The following ANLN variants were observed in gnomAD, a reference collection of about 807,000 sequenced individuals.
ANLN encodes the protein anillin, actin binding protein, also known as anillin.
ANLN carries 59 observed loss-of-function variants against 135.1 expected under a neutral mutation model. The ratio of observed to expected loss-of-function variants is 0.44; its 90% CI spans 0.35 to 0.54. ANLN has a LOEUF of 0.54. Ranked by LOEUF, ANLN falls within the 20% of genes least tolerant of loss-of-function variation. The pLI is 0.00. For synonymous variants in ANLN, 406 were observed against 456.4 expected (o/e 0.89, Z 1.41); for missense variants, 1,182 against 1,340.0 (o/e 0.88, Z 1.84).
At position 36,411,180 on chromosome 7, in the gene ANLN, G is replaced by A; in HGVS notation, c.1395+14G>A. 1 of 1,587,870 alleles carries A rather than the reference G, an allele frequency of 6.3e-7. No individual in the cohort carries two copies. Among genetic ancestry groups the A allele is most frequent in the Admixed American group, 1.9e-5 (1 of 51,698 alleles). ...GAAACCAAACAGGTAATGTAAACAA[G>A]AAATATAAAAACGAACTTGGTCCCC... On this transcript the variant is annotated intron_variant, in intron 7 of 23. Coordinates refer to ENST00000265748, the MANE Select transcript of ANLN (RefSeq NM_018685.5).
chr7:36,453,688 CATTTT>C lies in ANLN; in HGVS notation c.*1094_*1098del, dbSNP rs1211156768. On this transcript the variant is annotated 3_prime_UTR_variant, in exon 24 of 24. Coordinates refer to ENST00000265748, the MANE Select transcript of ANLN (RefSeq NM_018685.5). ...AACACTAAATTCTGTCACCTCCTGT[CATTTT>C]ATTTTTTATTCATTCAAATGTATTT... 1.3e-5 allele frequency: 2 copies of C among 152,386 alleles called. No homozygotes were observed. The highest frequency in any genetic ancestry group is 2.9e-5 in the Non-Finnish European group (2 of 67,990). The allele number at this position is 152,386 out of a possible 1,614,324, so 9.4% of individuals were successfully genotyped here.
At position 36,420,176 on chromosome 7, in the gene ANLN, T is replaced by G; in HGVS notation, c.1877T>G (p.Val626Gly). 1 of 1,613,608 alleles carries G rather than the reference T, an allele frequency of 6.2e-7. No homozygotes were observed. The highest frequency in any genetic ancestry group is 8.5e-7 in the Non-Finnish European group (1 of 1,179,726). ...TGATGCGTTTTCCCACAGAGTTTAG[T>G]GTCCACACCTAGACTGGAATTGAAA... ...TVGVVSPESLVSTPRLELKDT... is the reference protein window; with the variant it reads ...TVGVVSPESLGSTPRLELKDT... Residue 626 changes from valine to glycine, a missense_variant, in exon 11 of 24, where the codon GTG becomes GGG. Physicochemically the swap from Val to Gly is moderately radical, Grantham distance 109. Around this residue, in one of 3 missense-constraint regions of ANLN, gnomAD observed 1,022 missense variants for 1,134.0 expected, o/e 0.90. Coordinates refer to ENST00000265748, the MANE Select transcript of ANLN (RefSeq NM_018685.5).
chr7:36,423,252 T>G (rs1310966437), intron 14 of ANLN, among the ~76,000 whole-genome samples: 1 of 152,020 alleles, frequency 6.6e-6, no homozygotes, highest in Non-Finnish European at 1.5e-5. Flanking sequence ...TAAATGGAGG[T>G]TGTGAAAGGT....
rs1207646587 is a variant in ANLN, at chr7:36,449,885, C to T, written c.3251+48C>T. Reference sequence around the variant, plus strand: ...TTCTATCAACTAAGCAATTGATTGCCCACTATGTACTTACCACTATGAGAA... The same window carrying T: ...TTCTATCAACTAAGCAATTGATTGCTCACTATGTACTTACCACTATGAGAA... On this transcript the variant is annotated intron_variant, in intron 23 of 23. Coordinates refer to ENST00000265748, the MANE Select transcript of ANLN (RefSeq NM_018685.5). 7 of 1,548,066 alleles carry T rather than the reference C, an allele frequency of 4.5e-6. No individual in the cohort carries two copies. The African/African-American group carries it at 6.8e-5, about 15-fold the overall frequency.
rs1397461562 is a variant in ANLN at position 36,407,845 on chromosome 7, G to A, written c.985G>A (p.Val329Ile). The part of the protein sequence containing the change: ...KTPISPLKTG[V>I]SKPIVKSTLS... ...TCCTATTAGTCCTCTGAAAACGGGG[G>A]TATCGAAACCAATTGTGAAGTCAAC... Residue 329 changes from valine to isoleucine, a missense_variant, in exon 5 of 24, where the codon GTA (valine) becomes ATA (isoleucine). Around this residue, in one of 3 missense-constraint regions of ANLN, gnomAD observed 1,022 missense variants for 1,134.0 expected, o/e 0.90. Coordinates refer to ENST00000265748, the MANE Select transcript of ANLN (RefSeq NM_018685.5). 1.1e-5 allele frequency: 18 copies of A among 1,613,826 alleles called. No homozygotes were observed. Among genetic ancestry groups the A allele is most frequent in the Non-Finnish European group, 1.4e-5 (17 of 1,179,820 alleles).
At chr7:36,412,773 C>G (rs1787477836) in intron 7 of ANLN, among the ~76,000 whole-genome samples, 1 of 152,210 alleles carries the variant, frequency 6.6e-6, no homozygotes, top group Non-Finnish European at 1.5e-5. Flanking sequence ...CCCACTGCTC[C>G]TCCACAGGTA....
chr7:36,405,825 GTCTAA>G (rs1484799264), intron 3 of ANLN, among the ~76,000 whole-genome samples: 1 of 152,108 alleles, frequency 6.6e-6, no homozygotes, highest in Non-Finnish European at 1.5e-5. Flanking sequence ...TACAGCAATG[GTCTAA>G]TCCATTTTTA....
At chr7:36,450,131 A>G (rs1351130679) in intron 23 of ANLN, among the ~76,000 whole-genome samples, 1 of 152,220 alleles carries the variant, frequency 6.6e-6, no homozygotes, top group East Asian at 1.9e-4. Context: ...TAAAGATTTC[A>G]TGCGTAGTTG....
In ANLN at chr7:36,406,205, T is replaced by C; in HGVS notation, c.512T>C (p.Phe171Ser). Residue 171 changes from phenylalanine (F) to serine (S), a missense_variant, in exon 4 of 24, where the codon TTC (phenylalanine) becomes TCC (serine). This residue lies in a region of ANLN where 1,022 missense variants were observed against 1,134.0 expected (regional missense o/e 0.90). Coordinates refer to ENST00000265748, the MANE Select transcript of ANLN (RefSeq NM_018685.5). ...GATGACATTCCTGAAAGCTCACTCT[T>C]CTCACCAATGCCATCAGAGGAAAAG... The part of the protein sequence containing the change: ...MTDDIPESSL[F>S]SPMPSEEKAA... 6.2e-7 allele frequency: 1 copy of C among 1,606,300 alleles called. No homozygotes were observed. Among genetic ancestry groups the C allele is most frequent in the Middle Eastern group, 1.7e-4 (1 of 6,040 alleles).
At chr7:36,396,140 G>A in intron 1 of ANLN, 126 bp from the exon 2 acceptor site, 1 of 689,550 alleles carries the variant, frequency 1.5e-6, no homozygotes, top group Non-Finnish European at 2.2e-6. Context: ...TAATTGCTTA[G>A]GATTTCACTT....
At chr7:36,410,908 T>G (rs1302363158) in intron 6 of ANLN, 151 bp from the exon 7 acceptor site, 1 of 822,852 alleles carries the variant, frequency 1.2e-6, no homozygotes, top group East Asian at 2.7e-5. Context: ...AATATTGTCC[T>G]GAATTCCATG....
intron 3 of ANLN, among the ~76,000 whole-genome samples, chr7:36,401,631 G>A (rs1460184120): frequency 8.3e-6 from 1 of 120,962 alleles, no homozygotes; most frequent in Non-Finnish European, 1.8e-5. Flanking sequence ...GAGCCACCTC[G>A]GCAGGCCACC....
Position 36,390,000 on chromosome 7 carries a change from T to A in ANLN, c.-27T>A. The A allele has an allele frequency of 6.2e-7, 1 of 1,614,104 alleles. No homozygotes were observed. Among genetic ancestry groups the A allele is most frequent in the Non-Finnish European group, 8.5e-7 (1 of 1,179,956 alleles). On this transcript the variant is annotated 5_prime_UTR_variant, in exon 1 of 24. Coordinates refer to ENST00000265748, the MANE Select transcript of ANLN (RefSeq NM_018685.5). ...TCCTGAATTTGAACCACCGTTTCCA[T>A]CGTCTCGTAGTCCGACGCCTGGGGC...
intron 11 of ANLN, 44 bp from the exon 12 acceptor site, chr7:36,420,553 G>C: frequency 1.3e-6 from 2 of 1,524,284 alleles, no homozygotes; most frequent in Non-Finnish European, 1.8e-6. Context: ...ATAGTGCTCA[G>C]TGTGTTGCTG....
At chr7:36,397,101 A>G (rs1472113305) in intron 2 of ANLN, among the ~76,000 whole-genome samples, 3 of 152,208 alleles carry the variant, frequency 2.0e-5, no homozygotes, top group Non-Finnish European at 4.4e-5. Context: ...ACTGTAATAC[A>G]ACTGTAAAAT....
chr7:36,417,038 G>T, intron 8 of ANLN, 42 bp from the exon 9 acceptor site: 1 of 1,062,636 alleles, frequency 9.4e-7, no homozygotes, highest in Admixed American at 2.4e-5. Flanking sequence ...AAAATTATAG[G>T]TTCTTATATA....
At chr7:36,390,094 C>G (rs1212633536) in intron 1 of ANLN, 50 bp downstream of exon 1, 4 of 1,612,034 alleles carry the variant, frequency 2.5e-6, no homozygotes, top group Admixed American at 3.3e-5. Context: ...CTCTAGGCCC[C>G]CACCCACCTT....
rs1412485778 is a variant in ANLN, at chr7:36,452,487, T to C, written c.3262T>C (p.Ser1088Pro). ...DTLCVTKNWL[S>P]ADTKEERDLW... ...TGTTTGTTCCTGTAGGAACTGGCTGTCTGCAGATACTAAAGAAGAGCGGGA... is the reference window on the plus strand; with the variant it reads ...TGTTTGTTCCTGTAGGAACTGGCTGCCTGCAGATACTAAAGAAGAGCGGGA... Residue 1088 changes from serine to proline, a missense_variant, in exon 24 of 24, where the codon TCT (serine) becomes CCT (proline). Physicochemically the swap from Ser to Pro is moderately conservative, Grantham distance 74. Coordinates refer to ENST00000265748, the MANE Select transcript of ANLN (RefSeq NM_018685.5). 2 of 1,613,912 alleles carry C rather than the reference T, an allele frequency of 1.2e-6. No individual in the cohort carries two copies. The highest frequency in any genetic ancestry group is 1.7e-6 in the Non-Finnish European group (2 of 1,179,898).
intron 1 of ANLN, among the ~76,000 whole-genome samples, chr7:36,391,061 A>G (rs900942384): frequency 2.6e-5 from 4 of 152,230 alleles, no homozygotes; most frequent in Non-Finnish European, 5.9e-5. Flanking sequence ...TGAGATATTA[A>G]TTACAGATTT....
Sources: allele counts gnomAD v4.1 joint callset (sites outside exome capture counted in the v4.1 genomes callset), GRCh38; gene constraint gnomAD v4.1.1; regional missense constraint gnomAD v4.1.1; transcripts MANE v1.5; gene names NCBI Gene and HGNC (gene_info 2026-07-23, HGNC 2026-07-21).